The following FAM135B variants were observed in gnomAD, a reference collection of about 807,000 sequenced individuals.
FAM135B encodes protein FAM135B.
In FAM135B, 43 loss-of-function variants were observed where a neutral mutation model predicts 127.7. The observed-to-expected ratio is 0.34, with a 90% CI of 0.26 to 0.43. The LOEUF is 0.43. Ranked by LOEUF, FAM135B falls within the 20% of genes least tolerant of loss-of-function variation. FAM135B has a pLI of 1.00. For synonymous variants in FAM135B, 670 were observed against 665.1 expected (o/e 1.01, Z -0.11); for missense variants, 1,558 against 1,725.6 (o/e 0.90, Z 1.72).
intron 13 of FAM135B, 36 bp from the exon 14 acceptor site, chr8:138,148,722 T>C: frequency 6.6e-6 from 10 of 1,512,422 alleles, no homozygotes; most frequent in Middle Eastern, 1.8e-4. Context: ...AGCCAAGCTG[T>C]GTACTTCATG....
intron 14 of FAM135B, 59 bp from the exon 15 acceptor site, chr8:138,146,109 A>G: frequency 1.2e-6 from 1 of 844,410 alleles, no homozygotes; most frequent in Non-Finnish European, 1.9e-6. Flanking sequence ...AAAGGTTGAC[A>G]CACGAGGAAT....
intron 1 of FAM135B, among the ~76,000 whole-genome samples, chr8:138,383,397 C>T (rs868354560): frequency 3.3e-4 from 51 of 152,286 alleles, no homozygotes; most frequent in Admixed American, 1.1e-3. Context: ...ATTAAGGATA[C>T]CTAAGTGCCA....
chr8:138,264,442 T>C (rs1313162722), intron 4 of FAM135B, among the ~76,000 whole-genome samples: 1 of 152,206 alleles, frequency 6.6e-6, no homozygotes, highest in Non-Finnish European at 1.5e-5. Context: ...GGGCCTCCAG[T>C]GAGGGTGCAA....
chr8:138,329,226 G>A (rs747421039), intron 2 of FAM135B, among the ~76,000 whole-genome samples: 2 of 152,132 alleles, frequency 1.3e-5, no homozygotes, highest in South Asian at 2.1e-4. Context: ...AGAGAGAGAC[G>A]ATAGAGGAAC....
At chr8:138,273,760 C>T (rs550371560) in intron 3 of FAM135B, among the ~76,000 whole-genome samples, 21 of 152,318 alleles carry the variant, frequency 1.4e-4, no homozygotes, top group African/African-American at 4.8e-4. Flanking sequence ...CAGTTTCTCT[C>T]TCACTCACTC....
intron 2 of FAM135B, among the ~76,000 whole-genome samples, chr8:138,323,831 A>G (rs1827619510): frequency 2.0e-5 from 3 of 152,206 alleles, no homozygotes; most frequent in Admixed American, 2.0e-4. Context: ...TTTGCCTTGC[A>G]TAAGAGCCAT....
intron 1 of FAM135B, among the ~76,000 whole-genome samples, chr8:138,391,774 G>A (rs1832592433): frequency 6.6e-6 from 1 of 152,196 alleles, no homozygotes; most frequent in African/African-American, 2.4e-5. Context: ...GCTCCATACA[G>A]TAGGTATTAT....
intron 13 of FAM135B, among the ~76,000 whole-genome samples, chr8:138,150,897 T>C (rs1818084062): frequency 6.6e-6 from 1 of 152,034 alleles, no homozygotes; most frequent in Non-Finnish European, 1.5e-5. Context: ...AATTTTTGTA[T>C]AAAAAGCATA....
intron 1 of FAM135B, among the ~76,000 whole-genome samples, chr8:138,393,128 T>C (rs1240307224): frequency 6.6e-6 from 1 of 152,130 alleles, no homozygotes; most frequent in Non-Finnish European, 1.5e-5. Flanking sequence ...TCATGAGACT[T>C]ACTATCACCA....
intron 10 of FAM135B, among the ~76,000 whole-genome samples, chr8:138,178,314 T>C (rs930542182): frequency 5.9e-5 from 9 of 152,044 alleles, no homozygotes; most frequent in African/African-American, 1.7e-4. Context: ...TGATAGGCTC[T>C]GAAATCCTCT....
intron 7 of FAM135B, among the ~76,000 whole-genome samples, chr8:138,229,016 C>T (rs1190473116): frequency 2.0e-5 from 3 of 150,792 alleles, no homozygotes; most frequent in Non-Finnish European, 4.4e-5. Flanking sequence ...GCGAAGCGCC[C>T]GTGTTTCCCT....
chr8:138,181,587 C>A (rs1815041069), intron 9 of FAM135B, among the ~76,000 whole-genome samples: 1 of 152,172 alleles, frequency 6.6e-6, no homozygotes, highest in Non-Finnish European at 1.5e-5. Flanking sequence ...TCCCTGCGCA[C>A]CTTCCCCCGT....
intron 11 of FAM135B, among the ~76,000 whole-genome samples, chr8:138,173,254 C>A (rs767597962): frequency 6.6e-6 from 1 of 152,154 alleles, no homozygotes; most frequent in Non-Finnish European, 1.5e-5. Flanking sequence ...CGGACTGTAA[C>A]CCTGACTCCA....
intron 1 of FAM135B, among the ~76,000 whole-genome samples, chr8:138,396,411 G>A (rs1047880836): frequency 2.6e-5 from 4 of 152,276 alleles, no homozygotes; most frequent in African/African-American, 7.2e-5. Context: ...TCTTGATGAC[G>A]TTCAGGCTCC....
At chr8:138,442,665 A>G (rs1835873233) in intron 1 of FAM135B, among the ~76,000 whole-genome samples, 1 of 152,084 alleles carries the variant, frequency 6.6e-6, no homozygotes, top group Non-Finnish European at 1.5e-5. Context: ...CCAGGATGTT[A>G]TCCCAGGCAC....
Position 138,130,302 on chromosome 8 carries a change from C to T in FAM135B, c.*2291G>A, listed in dbSNP as rs944579425. ...CAAATGAGGCATGACACGCAACACT[C>T]GACACTCTTATTTACAATATAGAGA... On this transcript the variant is annotated 3_prime_UTR_variant, in exon 20 of 20. Transcript: ENST00000395297. The T allele has an allele frequency of 2.6e-5, 4 of 151,812 alleles. No individual in the cohort carries two copies. Among genetic ancestry groups the T allele is most frequent in the Admixed American group, 6.6e-5 (1 of 15,212 alleles). 9.4% of individuals were successfully genotyped at this position (151,812 alleles called of 1,614,324 possible). A position where few individuals can be genotyped will look rare whatever the true frequency, so the allele number is the denominator to read the frequency against.
intron 1 of FAM135B, among the ~76,000 whole-genome samples, chr8:138,454,632 T>C (rs903046253): frequency 1.6e-4 from 7 of 44,528 alleles, no homozygotes; most frequent in African/African-American, 5.8e-4. Context: ...AGGTCTTAAT[T>C]TTAAAAGTTG....
chr8:138,495,975 G>A (rs1360740407), intron 1 of FAM135B, among the ~76,000 whole-genome samples: 1 of 152,190 alleles, frequency 6.6e-6, no homozygotes. Flanking sequence ...AGTGGGGTGG[G>A]GAGCTAGAAA....
chr8:138,480,769 G>C (rs751800621), intron 1 of FAM135B, among the ~76,000 whole-genome samples: 1 of 152,162 alleles, frequency 6.6e-6, no homozygotes, highest in African/African-American at 2.4e-5. Flanking sequence ...CTGTGAGTCC[G>C]TCTCTATTTA....
Sources: allele counts gnomAD v4.1 joint callset (sites outside exome capture counted in the v4.1 genomes callset), GRCh38; gene constraint gnomAD v4.1.1; transcripts MANE v1.5; gene names NCBI Gene and HGNC (gene_info 2026-07-23, HGNC 2026-07-21).